Variants in CRYBG1 observed in about 807,000 individuals in gnomAD.
CRYBG1 encodes the protein beta/gamma crystallin domain-containing protein 1.
A neutral mutation model predicts 189.2 loss-of-function variants in CRYBG1; 139 were observed. The ratio of observed to expected loss-of-function variants is 0.73; its 90% CI spans 0.64 to 0.85. The LOEUF is 0.85. CRYBG1 is among the 40% of genes least tolerant of loss of function. CRYBG1 has a pLI of 0.00. For missense variants in CRYBG1, 2,611 were observed against 2,675.8 expected, an observed-to-expected ratio of 0.98 and a Z score of 0.53; for synonymous variants, 1,023 against 1,017.1, an observed-to-expected ratio of 1.01 and a Z score of -0.11.
At chr6:106,482,076 T>G (rs1219060987) in intron 2 of CRYBG1, among the ~76,000 whole-genome samples, 1 of 151,982 alleles carries the variant, frequency 6.6e-6, no homozygotes, top group Non-Finnish European at 1.5e-5. Flanking sequence ...GCACAGGGTC[T>G]TGCAAGGCTT....
chr6:106,398,338 G>A (rs76987131), intron 1 of CRYBG1, among the ~76,000 whole-genome samples: 3,050 of 152,230 alleles, frequency 0.02, 107 homozygotes, highest in African/African-American at 0.069. Flanking sequence ...AACATGGCAA[G>A]GAGGCTGAGA....
rs773997424 is a variant in CRYBG1, at chr6:106,519,763, T to C, written c.2555T>C (p.Met852Thr). 5 of 1,614,074 alleles carry C rather than the reference T, an allele frequency of 3.1e-6. No individual in the cohort carries two copies. Among genetic ancestry groups the C allele is most frequent in the South Asian group, 1.1e-5 (1 of 91,086 alleles). The change falls in exon 4 of 22, where the codon ATG (methionine) becomes ACG (threonine). Residue 852 changes from methionine (M) to threonine (T), a missense_variant. Physicochemically the swap from Met to Thr is moderately conservative, Grantham distance 81 (BLOSUM62 -1). This residue lies in a region of CRYBG1 where 1,622 missense variants were observed against 1,735.0 expected (regional missense o/e 0.93). Transcript: ENST00000633556. ...VDTKDLPPTAMPKPQHTFSDS... is the reference protein window; with the variant it reads ...VDTKDLPPTATPKPQHTFSDS... ...ACCAAAGATTTACCTCCAACGGCCATGCCAAAGCCACAGCATACATTTTCT... is the reference window on the plus strand; with the variant it reads ...ACCAAAGATTTACCTCCAACGGCCACGCCAAAGCCACAGCATACATTTTCT...
chr6:106,550,523 G>T (rs1222847666), intron 13 of CRYBG1, among the ~76,000 whole-genome samples: 1 of 151,652 alleles, frequency 6.6e-6, no homozygotes, highest in Non-Finnish European at 1.5e-5. Context: ...TTTTCCTCTG[G>T]GTGTAGATCA....
Position 106,539,489 on chromosome 6 carries a change from C to A in CRYBG1, c.4805C>A (p.Thr1602Lys). The A allele has an allele frequency of 6.2e-7, 1 of 1,613,746 alleles. No individual in the cohort carries two copies. The change falls in exon 9 of 22, where the codon ACA becomes AAA. Residue 1602 changes from threonine (T) to lysine (K), a missense_variant. Coordinates refer to ENST00000633556, the MANE Select transcript of CRYBG1 (RefSeq NM_001371242.2). ...GEYPDLSFWDTEEAYIGSMRP... is the reference protein window; with the variant it reads ...GEYPDLSFWDKEEAYIGSMRP... Reference sequence around the variant, plus strand: ...TACCCTGACTTGTCCTTCTGGGATACAGAAGAAGCGTACATTGGATCCATG... The same window carrying A: ...TACCCTGACTTGTCCTTCTGGGATAAAGAAGAAGCGTACATTGGATCCATG...
chr6:106,560,837 C>T lies in CRYBG1; in HGVS notation c.5890C>T (p.Arg1964Ter), dbSNP rs373572080. ...VTYEYGSYRG[R>*]QFLLSPAEVP... ...TTATGAATATGGCAGTTACAGAGGG[C>T]GACAGTTCCTATTGTCACCTGCAGA... The change falls in exon 19 of 22, where the codon CGA becomes TGA. Residue 1964 changes from arginine to a stop codon, truncating the protein, a stop_gained. Transcript: ENST00000633556. LOFTEE classifies it high-confidence loss of function. 29 of 1,613,018 alleles carry T rather than the reference C, an allele frequency of 1.8e-5. No homozygotes were observed. Among genetic ancestry groups the T allele is most frequent in the Middle Eastern group, 1.7e-4 (1 of 6,058 alleles).
At chr6:106,470,282 G>C (rs1409977193) in intron 2 of CRYBG1, among the ~76,000 whole-genome samples, 1 of 152,064 alleles carries the variant, frequency 6.6e-6, no homozygotes, top group East Asian at 1.9e-4. Flanking sequence ...CTGTGTTCAC[G>C]CCACTGCACT....
chr6:106,443,109 A>G (rs1263200802), intron 1 of CRYBG1, among the ~76,000 whole-genome samples: 3 of 152,240 alleles, frequency 2.0e-5, no homozygotes, highest in Non-Finnish European at 4.4e-5. Flanking sequence ...GAAGTAGGAT[A>G]GTAGTGGTTG....
At chr6:106,392,716 G>T (rs1278408097) in intron 1 of CRYBG1, among the ~76,000 whole-genome samples, 1 of 152,184 alleles carries the variant, frequency 6.6e-6, no homozygotes, top group African/African-American at 2.4e-5. Flanking sequence ...TTACCATTGT[G>T]CAAAGGACAG....
At chr6:106,408,631 G>A (rs931485855) in intron 1 of CRYBG1, among the ~76,000 whole-genome samples, 8 of 152,176 alleles carry the variant, frequency 5.3e-5, no homozygotes, top group Non-Finnish European at 1.2e-4. Flanking sequence ...GAAAATACTG[G>A]CAAACTGAAT....
At chr6:106,391,566 A>G (rs1770501275) in intron 1 of CRYBG1, among the ~76,000 whole-genome samples, 1 of 131,060 alleles carries the variant, frequency 7.6e-6, no homozygotes, top group African/African-American at 2.6e-5. Flanking sequence ...CCAGACCATC[A>G]GTCTTTTTTT....
At chr6:106,409,555 C>T (rs962950109) in intron 1 of CRYBG1, among the ~76,000 whole-genome samples, 4 of 150,398 alleles carry the variant, frequency 2.7e-5, no homozygotes, top group East Asian at 3.8e-4. Context: ...AAAAAGAGCC[C>T]GTGTAGCCAA....
Position 106,527,430 on chromosome 6 carries a change from A to G in CRYBG1, c.4538A>G (p.Asp1513Gly). 1.2e-6 allele frequency: 2 copies of G among 1,613,570 alleles called. No homozygotes were observed. Among genetic ancestry groups the G allele is most frequent in the African/African-American group, 1.3e-5 (1 of 75,024 alleles). Reference sequence around the variant, plus strand: ...GAAAGGCACGAAGAAGCAGAGTCTGATAAGCCAGTGGTGATTGGTTCCATC... The same window carrying G: ...GAAAGGCACGAAGAAGCAGAGTCTGGTAAGCCAGTGGTGATTGGTTCCATC... ...ILERHEEAESDKPVVIGSIRH... is the reference protein window; with the variant it reads ...ILERHEEAESGKPVVIGSIRH... Residue 1513 changes from aspartate (D) to glycine (G), a missense_variant, in exon 7 of 22, where the codon GAT becomes GGT. This residue lies in a region of CRYBG1 where 1,622 missense variants were observed against 1,735.0 expected (regional missense o/e 0.93). Coordinates refer to ENST00000633556, the MANE Select transcript of CRYBG1 (RefSeq NM_001371242.2).
rs1774532766 is a variant in CRYBG1, at chr6:106,555,914, G to A, written c.5715+17G>A. 2 of 1,614,102 alleles carry A rather than the reference G, an allele frequency of 1.2e-6. No homozygotes were observed. The highest frequency in any genetic ancestry group is 4.5e-5 in the East Asian group (2 of 44,884). ...ATAGATGTTGTAAGTATGTCATTGT[G>A]AATAGTGTTGCAGAAATGTATGCCT... On this transcript the variant is annotated intron_variant, in intron 17 of 21. Transcript: ENST00000633556.
chr6:106,362,265 G>T (rs751402607), intron 1 of CRYBG1, among the ~76,000 whole-genome samples: 5 of 151,844 alleles, frequency 3.3e-5, no homozygotes, highest in Non-Finnish European at 7.4e-5. Context: ...CACCGCGCCC[G>T]GCCTCTCCTT....
chr6:106,415,751 A>T lies in CRYBG1; in HGVS notation c.174-35943A>T, dbSNP rs140625403. 3.3e-3 allele frequency among the ~76,000 whole-genome samples: 509 copies of T among 151,942 alleles called. 7 individuals are homozygous for T. Among genetic ancestry groups the T allele is most frequent in the South Asian group, 0.016 (79 of 4,826 alleles). ...AAAAAAAAAAAAAGTTTTTCTGCTTAGTTGGTGCACTTTGACTGGCTTCTC... is the reference window on the plus strand; with the variant it reads ...AAAAAAAAAAAAAGTTTTTCTGCTTTGTTGGTGCACTTTGACTGGCTTCTC... On this transcript the variant is annotated intron_variant, in intron 1 of 21. Transcript: ENST00000633556.
At chr6:106,362,126 C>T (rs1329330999) in intron 1 of CRYBG1, among the ~76,000 whole-genome samples, 2 of 91,352 alleles carry the variant, frequency 2.2e-5, no homozygotes, top group African/African-American at 4.8e-5. Flanking sequence ...CCCGCCACCA[C>T]GCCCGGCTAA....
intron 16 of CRYBG1, among the ~76,000 whole-genome samples, 160 bp from the exon 17 acceptor site, chr6:106,555,608 G>A (rs1349786454): frequency 6.6e-6 from 1 of 152,174 alleles, no homozygotes; most frequent in Non-Finnish European, 1.5e-5. Context: ...GCCACAAGCA[G>A]AAATGCAATA....
intron 1 of CRYBG1, among the ~76,000 whole-genome samples, chr6:106,413,612 G>A (rs1041959400): frequency 1.3e-5 from 2 of 152,060 alleles, no homozygotes; most frequent in Admixed American, 6.6e-5. Context: ...CGGAAGCAGC[G>A]GTTGCAGTGA....
chr6:106,548,865 G>T (rs965537560), intron 13 of CRYBG1, among the ~76,000 whole-genome samples: 19 of 150,492 alleles, frequency 1.3e-4, no homozygotes, highest in Non-Finnish European at 2.8e-4. Flanking sequence ...CTAGCATTAG[G>T]TATATCTCCT....
Sources: allele counts gnomAD v4.1 joint callset (sites outside exome capture counted in the v4.1 genomes callset), GRCh38; gene constraint gnomAD v4.1.1; regional missense constraint gnomAD v4.1.1; transcripts MANE v1.5; gene names NCBI Gene and HGNC (gene_info 2026-07-23, HGNC 2026-07-21).